SLC24A2: variants seen among roughly 807,000 people sequenced by gnomAD.
SLC24A2 encodes solute carrier family 24 member 2.
A neutral mutation model predicts 62.0 loss-of-function variants in SLC24A2; 36 were observed. The observed-to-expected ratio is 0.58, with a 90% CI of 0.44 to 0.77. SLC24A2 has a LOEUF of 0.77. Among genes scored for constraint, SLC24A2 ranks in the 30% least tolerant of loss-of-function variants. The pLI, the probability that SLC24A2 is intolerant of heterozygous loss-of-function variation, is 0.00. For synonymous variants in SLC24A2, 358 were observed against 294.0 expected, an observed-to-expected ratio of 1.22 and a Z score of -2.23; for missense variants, 846 against 817.9, an observed-to-expected ratio of 1.03 and a Z score of -0.42.
At chr9:19,842,798 A>G in the SLC24A2 span, among the ~76,000 whole-genome samples, 1 of 152,164 alleles carries the variant, frequency 6.6e-6, no homozygotes, top group Non-Finnish European at 1.5e-5. Context: ...TCCCCCTCTA[A>G]AATTTCTGAT....
intron 2 of SLC24A2, among the ~76,000 whole-genome samples, chr9:19,674,839 C>T (rs1019569446): frequency 1.3e-5 from 2 of 152,130 alleles, no homozygotes; most frequent in African/African-American, 4.8e-5. Context: ...GATTGACCTT[C>T]TGAATTCTTT....
At chr9:19,543,959 C>T (rs200101804) in intron 8 of SLC24A2, among the ~76,000 whole-genome samples, 62 of 152,134 alleles carry the variant, frequency 4.1e-4, no homozygotes, top group Middle Eastern at 3.4e-3. Context: ...CTTGTTCCAG[C>T]GCTGAGTTCA....
the SLC24A2 span, among the ~76,000 whole-genome samples, chr9:20,121,150 A>G: frequency 6.7e-6 from 1 of 148,704 alleles, no homozygotes; most frequent in Non-Finnish European, 1.5e-5. Flanking sequence ...CCTAATTTCT[A>G]TAGAAAAGCC....
intron 2 of SLC24A2, among the ~76,000 whole-genome samples, chr9:19,733,254 C>G (rs1821392870): frequency 6.6e-6 from 1 of 152,034 alleles, no homozygotes; most frequent in African/African-American, 2.4e-5. Context: ...ATTCGGTATA[C>G]CTGTTATTTG....
At chr9:19,541,740 C>A (rs376019342) in intron 8 of SLC24A2, among the ~76,000 whole-genome samples, 1 of 148,674 alleles carries the variant, frequency 6.7e-6, no homozygotes, top group South Asian at 2.2e-4. Flanking sequence ...CCACCCAGTT[C>A]GAGCTTCCCG....
At chr9:19,655,490 C>G (rs1365702213) in intron 2 of SLC24A2, among the ~76,000 whole-genome samples, 1 of 152,142 alleles carries the variant, frequency 6.6e-6, no homozygotes, top group Non-Finnish European at 1.5e-5. Flanking sequence ...GTCTCTATTT[C>G]CTAAGCAGGG....
At chr9:19,546,238 C>G (rs911595393) in intron 8 of SLC24A2, among the ~76,000 whole-genome samples, 2 of 152,236 alleles carry the variant, frequency 1.3e-5, no homozygotes, top group Non-Finnish European at 2.9e-5. Flanking sequence ...ACGTTGTGCT[C>G]TCTTCAGAGC....
At chr9:20,134,582 G>C in the SLC24A2 span, among the ~76,000 whole-genome samples, 61,400 of 151,958 alleles carry the variant, frequency 0.4, 15,235 homozygotes, top group Non-Finnish European at 0.57. Context: ...AGATTGGTAG[G>C]AATGAGAGCA....
At chr9:19,994,016 A>G in the SLC24A2 span, among the ~76,000 whole-genome samples, 1 of 152,166 alleles carries the variant, frequency 6.6e-6, no homozygotes, top group Non-Finnish European at 1.5e-5. Context: ...TAGGAAACTG[A>G]GGTAAAGATA....
chr9:19,971,015 C>T, the SLC24A2 span, among the ~76,000 whole-genome samples: 1 of 152,158 alleles, frequency 6.6e-6, no homozygotes, highest in African/African-American at 2.4e-5. Flanking sequence ...AGCCTTATGA[C>T]CTGGGTTGGT....
At chr9:20,172,727 G>A in the SLC24A2 span, among the ~76,000 whole-genome samples, 2 of 151,914 alleles carry the variant, frequency 1.3e-5, no homozygotes, top group Non-Finnish European at 2.9e-5. Context: ...GCAAAAAAAA[G>A]TCCAGGACCA....
At chr9:19,521,379 G>C (rs1833191289) in intron 9 of SLC24A2, among the ~76,000 whole-genome samples, 1 of 152,172 alleles carries the variant, frequency 6.6e-6, no homozygotes, top group East Asian at 1.9e-4. Context: ...GAGGTAGAAA[G>C]GCCAATTGGC....
upstream of SLC24A2, among the ~76,000 whole-genome samples, chr9:19,790,817 A>T (rs776534183): frequency 5.9e-5 from 9 of 152,330 alleles, no homozygotes; most frequent in East Asian, 1.9e-4. Context: ...CTGAGGCAAT[A>T]GGTGCCTCTG....
the SLC24A2 span, among the ~76,000 whole-genome samples, chr9:19,839,704 C>A: frequency 7.2e-5 from 11 of 152,276 alleles, no homozygotes; most frequent in East Asian, 1.4e-3. Flanking sequence ...CTCCAAAACA[C>A]AGCTGAACTG....
chr9:20,162,702 C>T, the SLC24A2 span, among the ~76,000 whole-genome samples: 1 of 152,044 alleles, frequency 6.6e-6, no homozygotes, highest in Non-Finnish European at 1.5e-5. Flanking sequence ...GACCAATATC[C>T]TTGATGAACA....
chr9:19,960,589 C>T, the SLC24A2 span, among the ~76,000 whole-genome samples: 8 of 152,108 alleles, frequency 5.3e-5, no homozygotes, highest in African/African-American at 1.9e-4. Context: ...TAATACATAC[C>T]TCAAAGGGAT....
At chr9:20,002,211 C>G in the SLC24A2 span, among the ~76,000 whole-genome samples, 2 of 152,070 alleles carry the variant, frequency 1.3e-5, no homozygotes, top group African/African-American at 4.8e-5. Context: ...ATAGCACTAC[C>G]ATTTCACCCC....
the SLC24A2 span, among the ~76,000 whole-genome samples, chr9:20,180,973 C>G: frequency 6.6e-6 from 1 of 152,144 alleles, no homozygotes; most frequent in Non-Finnish European, 1.5e-5. Flanking sequence ...GAGCAGGGCT[C>G]CTCTTTGGCA....
At chr9:20,196,835 C>T in the SLC24A2 span, among the ~76,000 whole-genome samples, 1 of 152,212 alleles carries the variant, frequency 6.6e-6, no homozygotes, top group African/African-American at 2.4e-5. Flanking sequence ...ATCATCCCCT[C>T]CTAAAAACAA....
Sources: allele counts gnomAD v4.1 joint callset (sites outside exome capture counted in the v4.1 genomes callset), GRCh38; gene constraint gnomAD v4.1.1; transcripts MANE v1.5; gene names NCBI Gene and HGNC (gene_info 2026-07-23, HGNC 2026-07-21).